SHISA9: variants seen among roughly 807,000 people sequenced by gnomAD.
SHISA9 encodes protein shisa-9.
A neutral mutation model predicts 38.0 loss-of-function variants in SHISA9; 13 were observed. The ratio of observed to expected loss-of-function variants is 0.34; its 90% CI spans 0.22 to 0.54. SHISA9 has a LOEUF of 0.54. SHISA9 is among the 20% of genes least tolerant of loss of function. The probability of loss-of-function intolerance (pLI) is 0.91; values close to 1 mark genes in which losing one functional copy is unlikely to be tolerated. For synonymous variants in SHISA9, 275 were observed against 242.0 expected (o/e 1.14, Z -1.27); for missense variants, 538 against 575.8 (o/e 0.93, Z 0.67).
At chr16:13,187,639 T>TG (rs1011224201) in intron 2 of SHISA9, among the ~76,000 whole-genome samples, 1 of 151,964 alleles carries the variant, frequency 6.6e-6, no homozygotes, top group African/African-American at 2.4e-5. Context: ...CCAGCCCATC[T>TG]GGGGAACTTT....
intron 1 of SHISA9, chr16:12,910,893 TC>T: frequency 3.7e-6 from 1 of 272,812 alleles, no homozygotes; most frequent in Non-Finnish European, 5.6e-6. Flanking sequence ...TTTTGTTCTA[TC>T]CAGGCTTTCA....
At chr16:13,169,243 T>C (rs2050664496) in intron 2 of SHISA9, among the ~76,000 whole-genome samples, 1 of 152,228 alleles carries the variant, frequency 6.6e-6, no homozygotes, top group Non-Finnish European at 1.5e-5. Flanking sequence ...GTTTTTAATG[T>C]AGACGCAATT....
the SHISA9 span, among the ~76,000 whole-genome samples, chr16:13,498,769 TAAAAG>T: frequency 3.3e-5 from 5 of 151,456 alleles, no homozygotes; most frequent in African/African-American, 9.7e-5. Flanking sequence ...AAAAAGAAAA[TAAAAG>T]AAAAGAAGGT....
chr16:13,080,964 T>C lies in SHISA9; in HGVS notation c.692-122430T>C, dbSNP rs376697715. 1.4e-4 allele frequency among the ~76,000 whole-genome samples: 21 copies of C among 152,270 alleles called. No homozygotes were observed. In the East Asian group the frequency reaches 3.1e-3, roughly 22 times the overall value. On this transcript the variant is annotated intron_variant, in intron 2 of 4. Transcript: ENST00000558583. ...TCACATGGCCAAGAGAGAGGTAATCTCTCTCATGTCTCTTCTTATAATCTC... is the reference window on the plus strand; with the variant it reads ...TCACATGGCCAAGAGAGAGGTAATCCCTCTCATGTCTCTTCTTATAATCTC...
At chr16:12,955,170 C>A (rs1018266073) in intron 2 of SHISA9, among the ~76,000 whole-genome samples, 1 of 152,110 alleles carries the variant, frequency 6.6e-6, no homozygotes, top group Admixed American at 6.5e-5. Flanking sequence ...TCTCTGCTGT[C>A]CCTGACAAAG....
At chr16:13,512,022 G>A in the SHISA9 span, among the ~76,000 whole-genome samples, 1 of 152,136 alleles carries the variant, frequency 6.6e-6, no homozygotes, top group African/African-American at 2.4e-5. Context: ...GTACTTAGAA[G>A]GGAACTGCCT....
chr16:13,487,947 G>A, the SHISA9 span, among the ~76,000 whole-genome samples: 1 of 152,170 alleles, frequency 6.6e-6, no homozygotes, highest in Non-Finnish European at 1.5e-5. Flanking sequence ...AATCAGAAAG[G>A]AGAATCTCTT....
At chr16:12,934,401 A>T (rs1296864008) in intron 2 of SHISA9, among the ~76,000 whole-genome samples, 1 of 152,124 alleles carries the variant, frequency 6.6e-6, no homozygotes, top group African/African-American at 2.4e-5. Context: ...TGGCCAAATA[A>T]ATTAAAGACT....
chr16:13,419,298 T>C, the SHISA9 span, among the ~76,000 whole-genome samples: 2 of 152,194 alleles, frequency 1.3e-5, no homozygotes, highest in Non-Finnish European at 1.5e-5. Context: ...TTCTGAGAGA[T>C]GGAAAGAACA....
chr16:13,251,045 G>A, the SHISA9 span, among the ~76,000 whole-genome samples: 5 of 152,124 alleles, frequency 3.3e-5, no homozygotes, highest in African/African-American at 9.7e-5. Flanking sequence ...TTTTGAACAC[G>A]TTTCTTCACC....
intron 2 of SHISA9, among the ~76,000 whole-genome samples, chr16:12,928,448 A>G (rs1225441934): frequency 1.3e-5 from 2 of 152,214 alleles, no homozygotes; most frequent in Non-Finnish European, 1.5e-5. Context: ...GTACACAACC[A>G]TGAAACTTGT....
downstream of SHISA9, among the ~76,000 whole-genome samples, chr16:13,242,281 A>T: frequency 6.6e-6 from 1 of 152,180 alleles, no homozygotes; most frequent in East Asian, 1.9e-4. Context: ...GGGCAGCTTG[A>T]TAAAAATGCT....
At chr16:13,380,542 A>G in the SHISA9 span, among the ~76,000 whole-genome samples, 32 of 152,348 alleles carry the variant, frequency 2.1e-4, no homozygotes, top group African/African-American at 1.4e-4. Context: ...TCGATCAAGT[A>G]TAAAGGGGAG....
At chr16:12,994,013 G>A (rs2072424503) in intron 2 of SHISA9, among the ~76,000 whole-genome samples, 1 of 152,138 alleles carries the variant, frequency 6.6e-6, no homozygotes, top group South Asian at 2.1e-4. Flanking sequence ...CCCTATGGAG[G>A]TTTATAGACA....
At chr16:13,557,258 G>A in the SHISA9 span, among the ~76,000 whole-genome samples, 4 of 152,114 alleles carry the variant, frequency 2.6e-5, no homozygotes, top group Admixed American at 2.6e-4. Context: ...CATAAAATTT[G>A]CCCAAATTAC....
intron 1 of SHISA9, among the ~76,000 whole-genome samples, chr16:12,903,730 G>A (rs2071054605): frequency 6.6e-6 from 1 of 151,940 alleles, no homozygotes; most frequent in Non-Finnish European, 1.5e-5. Flanking sequence ...TCAGAGTCTG[G>A]GCAACGAAGT....
At chr16:13,501,977 G>A in the SHISA9 span, among the ~76,000 whole-genome samples, 2 of 150,898 alleles carry the variant, frequency 1.3e-5, no homozygotes, top group African/African-American at 4.9e-5. Flanking sequence ...ACTGCAGCCT[G>A]GGCAACAAAG....
the SHISA9 span, among the ~76,000 whole-genome samples, chr16:13,372,875 T>C: frequency 6.6e-6 from 1 of 152,108 alleles, no homozygotes; most frequent in Non-Finnish European, 1.5e-5. Flanking sequence ...TAAAACACTT[T>C]TTATTAATTG....
the SHISA9 span, among the ~76,000 whole-genome samples, chr16:13,551,207 C>G: frequency 5.3e-5 from 8 of 152,054 alleles, no homozygotes; most frequent in Non-Finnish European, 1.0e-4. Context: ...CAGACACACA[C>G]GTACACACAT....
Sources: gnomAD v4.1 joint callset for allele counts (sites outside exome capture counted in the v4.1 genomes callset) on GRCh38, gnomAD v4.1.1 for gene constraint, MANE v1.5 for transcripts, NCBI Gene and HGNC (gene_info 2026-07-23, HGNC 2026-07-21) for gene names.